ATP8A2: variants seen among roughly 807,000 people sequenced by gnomAD.
ATP8A2 encodes the protein phospholipid-transporting ATPase IB.
ATP8A2 carries 100 observed loss-of-function variants against 165.6 expected under a neutral mutation model. The ratio of observed to expected loss-of-function variants is 0.60; its 90% CI spans 0.51 to 0.71. The LOEUF (loss-of-function observed/expected upper bound fraction) is 0.71. Among genes scored for constraint, ATP8A2 ranks in the 30% least tolerant of loss-of-function variants. The pLI, the probability that ATP8A2 is intolerant of heterozygous loss-of-function variation, is 0.00. For missense variants in ATP8A2, 1,227 were observed against 1,479.5 expected (o/e 0.83, Z 2.80); for synonymous variants, 543 against 548.8 (o/e 0.99, Z 0.15).
At chr13:25,837,107 A>G in intron 28 of ATP8A2, 56 bp from the exon 29 acceptor site, 1 of 1,588,652 alleles carries the variant, frequency 6.3e-7, no homozygotes, top group Non-Finnish European at 8.6e-7. Context: ...GAAGGGAACA[A>G]TGAAGCCGTG....
At chr13:25,631,608 T>C (rs1025188234) in intron 24 of ATP8A2, among the ~76,000 whole-genome samples, 4 of 152,138 alleles carry the variant, frequency 2.6e-5, no homozygotes, top group African/African-American at 9.7e-5. Flanking sequence ...TCCTACTTCA[T>C]TCACAAGCTG....
intron 24 of ATP8A2, among the ~76,000 whole-genome samples, chr13:25,698,419 G>C (rs1233532030): frequency 6.6e-6 from 1 of 152,040 alleles, no homozygotes; most frequent in Non-Finnish European, 1.5e-5. Flanking sequence ...TTTTCGTAGA[G>C]ACGGGGTTTC....
At chr13:25,391,598 G>A (rs2033249285) in intron 1 of ATP8A2, among the ~76,000 whole-genome samples, 1 of 152,206 alleles carries the variant, frequency 6.6e-6, no homozygotes, top group African/African-American at 2.4e-5. Context: ...GTGTGTCCTT[G>A]GGGGCAGGAA....
intron 26 of ATP8A2, among the ~76,000 whole-genome samples, chr13:25,769,871 G>A (rs1442999420): frequency 1.3e-5 from 2 of 152,186 alleles, no homozygotes; most frequent in Non-Finnish European, 2.9e-5. Context: ...TCCGAGCCTC[G>A]CATGCCAGGG....
chr13:25,710,318 A>C (rs1050083358), intron 25 of ATP8A2, among the ~76,000 whole-genome samples: 1 of 152,138 alleles, frequency 6.6e-6, no homozygotes, highest in African/African-American at 2.4e-5. Flanking sequence ...ACAATAAATT[A>C]TTGTTAACTA....
chr13:25,515,345 C>T (rs2037432018), intron 2 of ATP8A2, among the ~76,000 whole-genome samples: 1 of 152,222 alleles, frequency 6.6e-6, no homozygotes, highest in Admixed American at 6.5e-5. Flanking sequence ...GTTTCTTTGA[C>T]ACAATGACAC....
chr13:25,968,557 C>A lies in ATP8A2; in HGVS notation c.3273-18C>A. On this transcript the variant is annotated intron_variant, in intron 34 of 36. Transcript: ENST00000381655. The stretch of plus-strand genomic sequence containing the variant: ...AGTCTCTATGCCATGTTCGTTTTGT[C>A]TTTTCCTCATAACACAGAGCCAAGC... 1 of 1,609,086 alleles carries A rather than the reference C, an allele frequency of 6.2e-7. No homozygotes were observed. The highest frequency in any genetic ancestry group is 8.5e-7 in the Non-Finnish European group (1 of 1,177,374).
intron 1 of ATP8A2, among the ~76,000 whole-genome samples, chr13:25,381,430 A>G (rs2032832772): frequency 6.6e-6 from 1 of 152,252 alleles, no homozygotes; most frequent in Admixed American, 6.5e-5. Context: ...TAATGTTCAA[A>G]TACCATTAGG....
intron 24 of ATP8A2, among the ~76,000 whole-genome samples, chr13:25,643,119 G>A (rs144270710): frequency 0.035 from 5,262 of 152,172 alleles, 157 homozygotes; most frequent in East Asian, 0.13. Flanking sequence ...TGTAAATGAC[G>A]AGTTAATGGG....
rs369850633 is a variant in ATP8A2 at position 25,437,951 on chromosome 13, T to A, written c.77-31026T>A. Among the ~76,000 whole-genome samples the A allele has an allele frequency of 2.0e-5, 3 of 152,374 alleles. No individual in the cohort carries two copies. In the East Asian group the frequency reaches 5.8e-4, roughly 29 times the overall value. On this transcript the variant is annotated intron_variant, in intron 1 of 36. Coordinates refer to ENST00000381655, the MANE Select transcript of ATP8A2 (RefSeq NM_016529.6). Reference sequence around the variant, plus strand: ...ATGTTGATGATTAGATAAGGCAGCCTTATTTATTAAGGCTTTAGAAAACAA... The same window carrying A: ...ATGTTGATGATTAGATAAGGCAGCCATATTTATTAAGGCTTTAGAAAACAA...
chr13:26,015,222 A>T (rs1956941741), intron 36 of ATP8A2, among the ~76,000 whole-genome samples: 1 of 152,208 alleles, frequency 6.6e-6, no homozygotes, highest in African/African-American at 2.4e-5. Flanking sequence ...TAGTACCAGA[A>T]CCTGATGGAT....
chr13:25,399,536 C>CT (rs1489644338), intron 1 of ATP8A2, among the ~76,000 whole-genome samples: 5 of 109,882 alleles, frequency 4.6e-5, no homozygotes, highest in African/African-American at 1.6e-4. Flanking sequence ...GTAGCTGGGA[C>CT]TACAGGAGCC....
At chr13:25,792,377 G>T (rs993783761) in intron 27 of ATP8A2, among the ~76,000 whole-genome samples, 1 of 152,196 alleles carries the variant, frequency 6.6e-6, no homozygotes, top group African/African-American at 2.4e-5. Context: ...TTCTGCAGGT[G>T]GTTAGTTGTC....
intron 24 of ATP8A2, among the ~76,000 whole-genome samples, chr13:25,686,778 G>A (rs1249918774): frequency 2.0e-5 from 3 of 152,130 alleles, no homozygotes; most frequent in Non-Finnish European, 4.4e-5. Flanking sequence ...GTAAGTCTCA[G>A]TCTTCTTGAC....
chr13:25,768,076 T>TGG (rs397942177), intron 25 of ATP8A2, among the ~76,000 whole-genome samples: 1,304 of 49,326 alleles, frequency 0.026, 16 homozygotes, highest in African/African-American at 0.04. Context: ...TGTGGTGGCG[T>TGG]GGGGGGGGGG....
intron 2 of ATP8A2, among the ~76,000 whole-genome samples, chr13:25,489,583 C>T (rs1341448907): frequency 6.6e-6 from 1 of 152,128 alleles, no homozygotes; most frequent in East Asian, 1.9e-4. Context: ...CCCTCGCATC[C>T]TCCCCAGCAC....
At chr13:25,526,956 T>A (rs2137881527) in intron 2 of ATP8A2, among the ~76,000 whole-genome samples, 1 of 152,156 alleles carries the variant, frequency 6.6e-6, no homozygotes, top group East Asian at 1.9e-4. Context: ...ATTTTCCACG[T>A]GCTTGGTGCT....
intron 30 of ATP8A2, among the ~76,000 whole-genome samples, chr13:25,857,320 A>G (rs766783462): frequency 6.6e-6 from 1 of 152,190 alleles, no homozygotes; most frequent in Non-Finnish European, 1.5e-5. Flanking sequence ...AGATTGTTCC[A>G]GAGCTCCCTA....
At chr13:25,509,792 A>T (rs1395478579) in intron 2 of ATP8A2, among the ~76,000 whole-genome samples, 1 of 152,230 alleles carries the variant, frequency 6.6e-6, no homozygotes, top group Non-Finnish European at 1.5e-5. Context: ...AGAATTACTT[A>T]GGAATGAATA....
Sources: gnomAD v4.1 joint callset for allele counts (sites outside exome capture counted in the v4.1 genomes callset) on GRCh38, gnomAD v4.1.1 for gene constraint, MANE v1.5 for transcripts, NCBI Gene and HGNC (gene_info 2026-07-23, HGNC 2026-07-21) for gene names.